RPH3A: variants seen among roughly 807,000 people sequenced by gnomAD.
RPH3A encodes the protein rabphilin 3A.
Under a neutral mutation model 102.2 loss-of-function variants are expected in RPH3A, and 48 were observed. That is an observed-to-expected ratio of 0.47 (90% CI 0.37 to 0.60). The LOEUF is 0.60. Ranked by LOEUF, RPH3A falls within the 20% of genes least tolerant of loss-of-function variation. The pLI is 0.00. For missense variants in RPH3A, 781 were observed against 910.1 expected (o/e 0.86, Z 1.83); for synonymous variants, 310 against 324.3 (o/e 0.96, Z 0.47).
intron 1 of RPH3A, among the ~76,000 whole-genome samples, chr12:112,776,878 A>C: frequency 1.5e-4 from 1 of 6,480 alleles, no homozygotes; most frequent in Non-Finnish European, 3.0e-4. Flanking sequence ...CATCTCAAAA[A>C]AAAAAAAAAA....
intron 11 of RPH3A, 66 bp from the exon 12 acceptor site, chr12:112,875,613 A>G: frequency 7.1e-7 from 1 of 1,398,762 alleles, no homozygotes; most frequent in Non-Finnish European, 1.0e-6. Context: ...TGAAAAGGAA[A>G]AGGTGAACCC....
intron 17 of RPH3A, among the ~76,000 whole-genome samples, chr12:112,889,454 A>C (rs2043056017): frequency 6.6e-6 from 1 of 152,116 alleles, no homozygotes; most frequent in Non-Finnish European, 1.5e-5. Context: ...TTGCCATTAA[A>C]CCTTAACCCT....
At chr12:112,624,426 ACCT>A (rs1360276923) in intron 1 of RPH3A, among the ~76,000 whole-genome samples, 1 of 147,420 alleles carries the variant, frequency 6.8e-6, no homozygotes, top group Non-Finnish European at 1.5e-5. Flanking sequence ...TACTACAAAC[ACCT>A]CTACGCAAAT....
chr12:112,791,612 T>A (rs1286450599), upstream of RPH3A: 1 of 152,042 alleles, frequency 6.6e-6, no homozygotes, highest in Admixed American at 6.6e-5. Flanking sequence ...GGATCTCTGG[T>A]GCGCCCAACC....
At chr12:112,719,335 A>G (rs999063490) in intron 1 of RPH3A, among the ~76,000 whole-genome samples, 1 of 152,230 alleles carries the variant, frequency 6.6e-6, no homozygotes, top group Non-Finnish European at 1.5e-5. Flanking sequence ...ACCATCCACC[A>G]GAGATTAATC....
chr12:112,644,529 G>A (rs888144664), intron 1 of RPH3A, among the ~76,000 whole-genome samples: 5 of 152,162 alleles, frequency 3.3e-5, no homozygotes, highest in Non-Finnish European at 7.3e-5. Flanking sequence ...CCTCGGACAG[G>A]CAGTCACAGG....
intron 4 of RPH3A, among the ~76,000 whole-genome samples, chr12:112,841,192 A>AAAAAAAAAAAAAAAAAAAAAAAAC: frequency 6.7e-6 from 1 of 150,192 alleles, no homozygotes; most frequent in African/African-American, 2.4e-5. Flanking sequence ...AAAAAAAAAA[A>AAAAAAAAAAAAAAAAAAAAAAAAC]AAGCCTCGTT....
intron 1 of RPH3A, among the ~76,000 whole-genome samples, chr12:112,584,730 C>T (rs2039426141): frequency 6.6e-6 from 1 of 152,102 alleles, no homozygotes; most frequent in Non-Finnish European, 1.5e-5. Flanking sequence ...GTGGCTTTCC[C>T]CGGAAGGAAT....
chr12:112,735,819 T>A (rs1170867824), intron 1 of RPH3A, among the ~76,000 whole-genome samples: 1 of 152,184 alleles, frequency 6.6e-6, no homozygotes, highest in Non-Finnish European at 1.5e-5. Context: ...CTTAAGTGGC[T>A]CCTCATTGCT....
chr12:112,595,907 A>G (rs568350007), intron 1 of RPH3A, among the ~76,000 whole-genome samples: 25 of 152,130 alleles, frequency 1.6e-4, no homozygotes, highest in Non-Finnish European at 3.4e-4. Flanking sequence ...GAAAAAAATG[A>G]CCCAGCTCCT....
Position 112,618,498 on chromosome 12 carries a change from C to T in RPH3A, c.-140+43179C>T, listed in dbSNP as rs73431646. 6.4e-3 allele frequency among the ~76,000 whole-genome samples: 978 copies of T among 152,250 alleles called. 6 individuals carry two copies. The highest frequency in any genetic ancestry group is 9.6e-3 in the Non-Finnish European group (652 of 68,020). On this transcript the variant is annotated intron_variant, in intron 1 of 21. Transcript: ENST00000543106. ...AGTTGGGCAGGTCTGAGGCTCCCAC[C>T]CTCTCTAAGTTGCTTACTGAAATGT...
intron 1 of RPH3A, among the ~76,000 whole-genome samples, chr12:112,752,530 A>G (rs2040791547): frequency 6.6e-6 from 1 of 151,506 alleles, no homozygotes; most frequent in Non-Finnish European, 1.5e-5. Flanking sequence ...AATCATTGGT[A>G]AACCACTTCT....
At chr12:112,594,713 T>C (rs952604106) in intron 1 of RPH3A, among the ~76,000 whole-genome samples, 3 of 152,134 alleles carry the variant, frequency 2.0e-5, no homozygotes, top group Non-Finnish European at 4.4e-5. Flanking sequence ...ATGTGGGAGG[T>C]TGAAATAATG....
At chr12:112,797,696 A>T (rs59729001) in intron 2 of RPH3A, among the ~76,000 whole-genome samples, 29 of 146,732 alleles carry the variant, frequency 2.0e-4, no homozygotes, top group East Asian at 7.9e-4. Context: ...GAAAAAAAAA[A>T]TTTTTTTTTT....
At chr12:112,756,539 G>A (rs750295918) in intron 1 of RPH3A, among the ~76,000 whole-genome samples, 8 of 152,092 alleles carry the variant, frequency 5.3e-5, no homozygotes, top group Admixed American at 3.3e-4. Context: ...CTACTTGCAA[G>A]CTAAAATATC....
At chr12:112,764,048 G>A (rs2040871893) in intron 1 of RPH3A, among the ~76,000 whole-genome samples, 1 of 152,154 alleles carries the variant, frequency 6.6e-6, no homozygotes, top group Non-Finnish European at 1.5e-5. Flanking sequence ...GATATTTGAG[G>A]GCAAAAGGAA....
chr12:112,699,318 G>T (rs979775376), intron 1 of RPH3A, among the ~76,000 whole-genome samples: 1 of 152,204 alleles, frequency 6.6e-6, no homozygotes, highest in Non-Finnish European at 1.5e-5. Flanking sequence ...CATATGACCA[G>T]ATCTGTTTGG....
intron 2 of RPH3A, among the ~76,000 whole-genome samples, chr12:112,807,474 G>A (rs531693861): frequency 6.6e-6 from 1 of 152,262 alleles, no homozygotes; most frequent in African/African-American, 2.4e-5. Flanking sequence ...AGAAATAATT[G>A]CTCATCTATC....
chr12:112,759,068 C>CT (rs2040837882), intron 1 of RPH3A, among the ~76,000 whole-genome samples: 1 of 152,230 alleles, frequency 6.6e-6, no homozygotes, highest in African/African-American at 2.4e-5. Flanking sequence ...AGTGATGTTT[C>CT]TATAGCCCCA....
Sources: gnomAD v4.1 joint callset for allele counts (sites outside exome capture counted in the v4.1 genomes callset) on GRCh38, gnomAD v4.1.1 for gene constraint, MANE v1.5 for transcripts, NCBI Gene and HGNC (gene_info 2026-07-23, HGNC 2026-07-21) for gene names.